Variants in WWP2 observed in about 807,000 individuals in gnomAD.
The protein encoded by WWP2 is NEDD4-like E3 ubiquitin-protein ligase WWP2.
A neutral mutation model predicts 121.0 loss-of-function variants in WWP2; 57 were observed. That is an observed-to-expected ratio of 0.47 (90% CI 0.38 to 0.59). The LOEUF (loss-of-function observed/expected upper bound fraction) is 0.59. Among genes scored for constraint, WWP2 ranks in the 20% least tolerant of loss-of-function variants. The pLI, the probability that WWP2 is intolerant of heterozygous loss-of-function variation, is 0.00. For missense variants in WWP2, 962 were observed against 1,158.9 expected (o/e 0.83, Z 2.47); for synonymous variants, 449 against 441.3 (o/e 1.02, Z -0.22).
chr16:69,931,311 G>C, intron 14 of WWP2, 84 bp downstream of exon 14: 1 of 1,566,892 alleles, frequency 6.4e-7, no homozygotes, highest in Non-Finnish European at 8.8e-7. Flanking sequence ...AGCAGGTATC[G>C]GAATGTTTGT....
intron 8 of WWP2, among the ~76,000 whole-genome samples, chr16:69,898,893 G>A (rs1203879544): frequency 6.6e-6 from 1 of 151,890 alleles, no homozygotes; most frequent in Non-Finnish European, 1.5e-5. Flanking sequence ...TAGTAGAGAC[G>A]GGAATTCACC....
At chr16:69,864,477 T>G (rs551880290) in intron 6 of WWP2, among the ~76,000 whole-genome samples, 1 of 152,368 alleles carries the variant, frequency 6.6e-6, no homozygotes, top group South Asian at 2.1e-4. Flanking sequence ...GTTCCCGCCA[T>G]CAATGTATGA....
chr16:69,820,064 C>G (rs1192977843), intron 4 of WWP2, among the ~76,000 whole-genome samples: 1 of 152,070 alleles, frequency 6.6e-6, no homozygotes, highest in Non-Finnish European at 1.5e-5. Flanking sequence ...TAGTGAGACC[C>G]TCTACAAAAA....
At chr16:69,884,300 C>T (rs1186113563) in intron 7 of WWP2, among the ~76,000 whole-genome samples, 2 of 152,126 alleles carry the variant, frequency 1.3e-5, no homozygotes, top group Non-Finnish European at 2.9e-5. Flanking sequence ...CCACTAACTC[C>T]AGCCAAGGAT....
intron 6 of WWP2, among the ~76,000 whole-genome samples, chr16:69,846,876 G>C (rs1051064995): frequency 1.3e-5 from 2 of 152,064 alleles, no homozygotes; most frequent in Non-Finnish European, 2.9e-5. Context: ...TGGCTCCCAA[G>C]TGTTCATTAT....
At chr16:69,828,430 G>A (rs568496812) in intron 4 of WWP2, among the ~76,000 whole-genome samples, 4 of 152,056 alleles carry the variant, frequency 2.6e-5, no homozygotes, top group South Asian at 2.1e-4. Flanking sequence ...ACAACAGCGC[G>A]ATCTCAGCTC....
intron 10 of WWP2, among the ~76,000 whole-genome samples, chr16:69,921,329 G>A (rs918986910): frequency 3.3e-5 from 5 of 152,260 alleles, no homozygotes; most frequent in South Asian, 2.1e-4. Context: ...AGTTTGACTC[G>A]GAAGACTTAA....
Position 69,883,492 on chromosome 16 carries a change from C to A in WWP2, c.704-4547C>A, listed in dbSNP as rs965373718. ...CGTGAGTATTCGTGGGCACAGAAGG[C>A]TTGTCCATGCTAGGATATCTAGCCT... On this transcript the variant is annotated intron_variant, in intron 7 of 23. Coordinates refer to ENST00000359154, the MANE Select transcript of WWP2 (RefSeq NM_001270454.2). Among the ~76,000 whole-genome samples the A allele has an allele frequency of 3.3e-5, 5 of 152,066 alleles. 1 individual carries two copies. The highest frequency in any genetic ancestry group is 1.2e-4 in the African/African-American group (5 of 41,418).
At chr16:69,762,887 C>T (rs565383480) in intron 1 of WWP2, among the ~76,000 whole-genome samples, 3 of 152,108 alleles carry the variant, frequency 2.0e-5, no homozygotes, top group Non-Finnish European at 4.4e-5. Context: ...ACTTTGATGA[C>T]GGTCCCATTC....
intron 4 of WWP2, among the ~76,000 whole-genome samples, chr16:69,829,925 G>T (rs959492265): frequency 3.3e-5 from 5 of 151,492 alleles, no homozygotes; most frequent in Non-Finnish European, 7.4e-5. Context: ...TGAGTAGCTG[G>T]GACCATAGGC....
chr16:69,937,307 A>G lies in WWP2; in HGVS notation c.2238+69A>G, dbSNP rs2058814620. On this transcript the variant is annotated intron_variant, in intron 20 of 23. Transcript: ENST00000359154. The surrounding 1 kb of genome is among the most constrained non-coding windows in gnomAD (Gnocchi z 6.6). ...GGCGATCCTGCTCTGTGATACGCTC[A>G]CTGTGTACCCACAGACACTCAGCGT... 1 of 1,586,224 alleles carries G rather than the reference A, an allele frequency of 6.3e-7. No homozygotes were observed. The highest frequency in any genetic ancestry group is 2.2e-5 in the East Asian group (1 of 44,502).
In WWP2 at chr16:69,789,934, CCT is replaced by C. The variant is rs531879007; in HGVS notation, c.70+2855_70+2856del. ...CTAATAGCCTGCTGTTGACTGAAAGCCTTGCCAATAACAGAAACAGTTGATTG... is the reference window on the plus strand; with the variant it reads ...CTAATAGCCTGCTGTTGACTGAAAGCTGCCAATAACAGAAACAGTTGATTG... On this transcript the variant is annotated intron_variant, in intron 2 of 23. Coordinates refer to ENST00000359154, the MANE Select transcript of WWP2 (RefSeq NM_001270454.2). Among the ~76,000 whole-genome samples, 280 of 152,308 alleles carry C rather than the reference CCT, an allele frequency of 1.8e-3. 1 individual carries two copies. Among genetic ancestry groups the C allele is most frequent in the Middle Eastern group, 6.8e-3 (2 of 294 alleles).
intron 4 of WWP2, among the ~76,000 whole-genome samples, chr16:69,807,619 C>CAAAAA (rs530408058): frequency 7.7e-4 from 36 of 46,824 alleles, no homozygotes; most frequent in East Asian, 1.1e-3. Context: ...ACCCTTTCTC[C>CAAAAA]AAAAAAAAAA....
chr16:69,802,507 G>T (rs137868855), intron 4 of WWP2, among the ~76,000 whole-genome samples: 3 of 152,118 alleles, frequency 2.0e-5, no homozygotes, highest in Admixed American at 6.6e-5. Flanking sequence ...GAACCATACA[G>T]TATTTGTCCT....
At chr16:69,826,367 A>T (rs1441695311) in intron 4 of WWP2, among the ~76,000 whole-genome samples, 3 of 151,206 alleles carry the variant, frequency 2.0e-5, no homozygotes, top group African/African-American at 7.3e-5. Flanking sequence ...GGAGTACGAG[A>T]CCAGCTTGGC....
At chr16:69,926,691 G>A (rs2058644821) in intron 11 of WWP2, among the ~76,000 whole-genome samples, 1 of 152,188 alleles carries the variant, frequency 6.6e-6, no homozygotes, top group Non-Finnish European at 1.5e-5. Flanking sequence ...CACATTTGTT[G>A]ATGTTCAGCT....
intron 9 of WWP2, among the ~76,000 whole-genome samples, chr16:69,916,723 G>A (rs1322505938): frequency 6.6e-6 from 1 of 152,140 alleles, no homozygotes; most frequent in Admixed American, 6.5e-5. Context: ...GGAGAGAGCT[G>A]TGGCATTCAA....
rs930079696 is a variant in WWP2 at position 69,937,964 on chromosome 16, A to C, written c.2343+312A>C. 6.6e-6 allele frequency among the ~76,000 whole-genome samples: 1 copy of C among 152,208 alleles called. No homozygotes were observed. The highest frequency in any genetic ancestry group is 1.5e-5 in the Non-Finnish European group (1 of 68,038). ...TGCCAGCCAGATGGGACAGGAAGGC[A>C]GGGGCTTGGCTCCAGAAACCAGAAA... On this transcript the variant is annotated intron_variant, in intron 21 of 23. Coordinates refer to ENST00000359154, the MANE Select transcript of WWP2 (RefSeq NM_001270454.2). This position sits in a 1 kb window ranked among gnomAD's most constrained non-coding sequence, Gnocchi z 6.6.
At chr16:69,909,477 G>A (rs974148006) in intron 9 of WWP2, 1 of 985,488 alleles carries the variant, frequency 1.0e-6, no homozygotes, top group East Asian at 1.1e-4. Context: ...GTTTGGTTCA[G>A]CTGTCAGGCG....
Sources: allele counts gnomAD v4.1 joint callset (sites outside exome capture counted in the v4.1 genomes callset), GRCh38; gene constraint gnomAD v4.1.1; non-coding constraint Gnocchi (gnomAD v3.1); transcripts MANE v1.5; gene names NCBI Gene and HGNC (gene_info 2026-07-23, HGNC 2026-07-21).